KMT2B: variants seen among roughly 807,000 people sequenced by gnomAD.
KMT2B encodes lysine methyltransferase 2B, also known as histone-lysine N-methyltransferase 2B.
In KMT2B, 22 loss-of-function variants were observed where a neutral mutation model predicts 255.3. The observed-to-expected ratio is 0.09, with a 90% confidence interval of 0.06 to 0.12. KMT2B has a LOEUF of 0.12. KMT2B is among the 10% of genes least tolerant of loss of function. The pLI, the probability that KMT2B is intolerant of heterozygous loss-of-function variation, is 1.00. For missense variants in KMT2B, 3,149 were observed against 3,737.0 expected, an observed-to-expected ratio of 0.84 and a Z score of 4.10; for synonymous variants, 1,730 against 1,498.1, an observed-to-expected ratio of 1.15 and a Z score of -3.57.
rs758635755 is a variant in KMT2B, at chr19:35,732,234, C to T, written c.5685C>T (p.Thr1895=). Residue 1895 remains threonine (T), a synonymous_variant, in exon 28 of 37, where the codon ACC becomes ACT. Transcript: ENST00000420124. The part of the protein sequence containing the change: ...LPSPGSPSSL[T]HHIPTVGDPD... The stretch of plus-strand genomic sequence containing the variant: ...CCACAGGAAGTCCATCTTCACTGAC[C>T]CACCACATCCCCACAGTGGGAGACC... The T allele has an allele frequency of 1.7e-5, 27 of 1,600,736 alleles. No individual in the cohort carries two copies. The East Asian group carries it at 4.1e-4, about 24-fold the overall frequency.
chr19:35,723,874 G>A lies in KMT2B; in HGVS notation c.3201G>A (p.Gln1067=). 1 of 1,609,848 alleles carries A rather than the reference G, an allele frequency of 6.2e-7. No homozygotes were observed. The highest frequency in any genetic ancestry group is 1.1e-5 in the South Asian group (1 of 90,602). The change falls in exon 8 of 37, where the codon CAG becomes CAA. Residue 1067 remains glutamine (Q), a synonymous_variant. Coordinates refer to ENST00000420124, the MANE Select transcript of KMT2B (RefSeq NM_014727.3). This position sits in a 1 kb window ranked among gnomAD's most constrained non-coding sequence, Gnocchi z 7.5. The part of the protein sequence containing the change: ...EVVAHPGPEE[Q]DSLLQRKSAR... ...TGGCCCACCCAGGGCCCGAGGAGCA[G>A]GACTCCCTCCTGCAGCGCAAGTCAG...
rs746908334 is a variant in KMT2B at position 35,719,802 on chromosome 19, G to A, written c.455G>A (p.Arg152Gln). Residue 152 changes from arginine (R) to glutamine (Q), a missense_variant, in exon 3 of 37, where the codon CGG becomes CAG. This residue lies in a region of KMT2B where 1,188 missense variants were observed against 1,106.4 expected (regional missense o/e 1.07). Coordinates refer to ENST00000420124, the MANE Select transcript of KMT2B (RefSeq NM_014727.3). Reference sequence around the variant, plus strand: ...CTTTTAGGTCGAGCGCCCCGAGGTCGGGGTCGCAAGCATAAGACGACCCCC... The same window carrying A: ...CTTTTAGGTCGAGCGCCCCGAGGTCAGGGTCGCAAGCATAAGACGACCCCC... ...RSQRGRAPRGRGRKHKTTPLP... is the reference protein window; with the variant it reads ...RSQRGRAPRGQGRKHKTTPLP... 12 of 1,600,124 alleles carry A rather than the reference G, an allele frequency of 7.5e-6. No homozygotes were observed. Among genetic ancestry groups the A allele is most frequent in the East Asian group, 2.2e-5 (1 of 44,770 alleles).
intron 24 of KMT2B, 23 bp downstream of exon 24, chr19:35,730,485 T>A: frequency 6.2e-7 from 1 of 1,613,996 alleles, no homozygotes; most frequent in Non-Finnish European, 8.5e-7. Flanking sequence ...CTCTCCGCCC[T>A]GTCCTCCTAC....
At position 35,722,772 on chromosome 19, in the gene KMT2B, G is replaced by C. The variant is rs903617341; in HGVS notation, c.2722+54G>C. Reference sequence around the variant, plus strand: ...AGGTTTGGGGATGACCCCACACTTGGGTGACATGCACCAAGAGCCTAGGAG... The same window carrying C: ...AGGTTTGGGGATGACCCCACACTTGCGTGACATGCACCAAGAGCCTAGGAG... On this transcript the variant is annotated intron_variant, in intron 5 of 36. Transcript: ENST00000420124. 1.8e-5 allele frequency: 27 copies of C among 1,533,408 alleles called. No individual in the cohort carries two copies. In the East Asian group the frequency reaches 5.4e-4, roughly 31 times the overall value. The allele number at this position is 1,533,408 out of a possible 1,614,324, so 95.0% of individuals were successfully genotyped here.
Position 35,726,220 on chromosome 19 carries a change from C to G in KMT2B, c.3886-16C>G. 1 of 1,602,010 alleles carries G rather than the reference C, an allele frequency of 6.2e-7. No individual in the cohort carries two copies. The highest frequency in any genetic ancestry group is 8.5e-7 in the Non-Finnish European group (1 of 1,169,632). ...CCAGTGCCTGGTTTTCCCCTAACAT[C>G]GCCCTGCTCCCCCAGATCTGTTCAG... On this transcript the variant is annotated splice_polypyrimidine_tract_variant and intron_variant, in intron 13 of 36. Transcript: ENST00000420124.
At position 35,720,903 on chromosome 19, in the gene KMT2B, C is replaced by T. The variant is rs1969168099; in HGVS notation, c.1556C>T (p.Thr519Ile). The part of the protein sequence containing the change: ...DSPTVAPKST[T>I]FLKNIRQFIM... ...CCCACCGTGGCCCCCAAAAGCACCA[C>T]CTTCCTGAAGAATATCCGGCAGTTT... is the stretch of plus-strand genomic sequence containing the variant. The change falls in exon 3 of 37, where the codon ACC becomes ATC. Residue 519 changes from threonine to isoleucine, a missense_variant. Thr to Ile is a moderately conservative substitution (Grantham distance 89). Coordinates refer to ENST00000420124, the MANE Select transcript of KMT2B (RefSeq NM_014727.3). 2 of 1,607,132 alleles carry T rather than the reference C, an allele frequency of 1.2e-6. No individual in the cohort carries two copies. Among genetic ancestry groups the T allele is most frequent in the South Asian group, 1.1e-5 (1 of 89,456 alleles).
At chr19:35,722,047 C>T (rs1204048179) in intron 3 of KMT2B, among the ~76,000 whole-genome samples, 2 of 149,824 alleles carry the variant, frequency 1.3e-5, no homozygotes, top group East Asian at 2.0e-4. Flanking sequence ...TCACTTTGTC[C>T]AGGCTGGAGT....
chr19:35,719,705 A>T (rs1969103652), intron 2 of KMT2B, 79 bp from the exon 3 acceptor site: 1 of 1,531,180 alleles, frequency 6.5e-7, no homozygotes, highest in Admixed American at 2.0e-5. Context: ...AGCAAGACTT[A>T]GTCCCTGCCC....
chr19:35,721,219 C>A lies in KMT2B; in HGVS notation c.1872C>A (p.Ala624=). 6.8e-7 allele frequency: 1 copy of A among 1,472,410 alleles called. No homozygotes were observed. Among genetic ancestry groups the A allele is most frequent in the Non-Finnish European group, 9.2e-7 (1 of 1,090,032 alleles). 91.2% of individuals were successfully genotyped at this position (1,472,410 alleles called of 1,614,324 possible). Residue 624 remains alanine, a synonymous_variant, in exon 3 of 37, where the codon GCC becomes GCA. Coordinates refer to ENST00000420124, the MANE Select transcript of KMT2B (RefSeq NM_014727.3). Reference sequence around the variant, plus strand: ...GGGAGCTGCCCCCTCCTCCCCCAGCCCCTCCACCTCCCCCGGCCCCCTCCC... The same window carrying A: ...GGGAGCTGCCCCCTCCTCCCCCAGCACCTCCACCTCCCCCGGCCCCCTCCC... ...LTRELPPPPP[A]PPPPPAPSPP...
chr19:35,722,186 G>A (rs1969244550), intron 3 of KMT2B, 173 bp from the exon 4 acceptor site: 1 of 252,142 alleles, frequency 4.0e-6, no homozygotes, highest in African/African-American at 2.3e-5. Context: ...TGTATTTTTA[G>A]TAGAGACAGG....
chr19:35,720,759 G>T lies in KMT2B; in HGVS notation c.1412G>T (p.Arg471Leu). The T allele has an allele frequency of 1.4e-6, 2 of 1,474,120 alleles. No homozygotes were observed. Among genetic ancestry groups the T allele is most frequent in the Non-Finnish European group, 9.0e-7 (1 of 1,110,712 alleles). 91.3% of individuals were successfully genotyped at this position (1,474,120 alleles called of 1,614,324 possible). ...VPATCSRKRG[R>L]PPLTPSQRAE... Reference sequence around the variant, plus strand: ...GCTACGTGCTCCAGGAAGAGGGGCCGGCCTCCCCTGACTCCCAGCCAGCGG... The same window carrying T: ...GCTACGTGCTCCAGGAAGAGGGGCCTGCCTCCCCTGACTCCCAGCCAGCGG... Residue 471 changes from arginine (R) to leucine (L), a missense_variant, in exon 3 of 37, where the codon CGG becomes CTG. By Grantham distance (102) the Arg-to-Leu change is moderately radical. This residue lies in a region of KMT2B where 1,188 missense variants were observed against 1,106.4 expected (regional missense o/e 1.07). Transcript: ENST00000420124.
intron 26 of KMT2B, 100 bp from the exon 27 acceptor site, chr19:35,731,808 G>A (rs1445337313): frequency 1.1e-6 from 1 of 915,942 alleles, no homozygotes; most frequent in East Asian, 2.6e-5. Flanking sequence ...ACTGGGTCAG[G>A]GTCGGGGACC....
chr19:35,728,486 C>T (rs533221011), intron 19 of KMT2B, among the ~76,000 whole-genome samples: 7 of 23,614 alleles, frequency 3.0e-4, no homozygotes, highest in South Asian at 2.4e-3. Flanking sequence ...TACCAGGGGG[C>T]GGTGGGGGCC....
At chr19:35,728,211 A>G (rs775208956) in intron 19 of KMT2B, 40 bp downstream of exon 19, 142 of 1,543,050 alleles carry the variant, frequency 9.2e-5, no homozygotes, top group Middle Eastern at 6.2e-4. Context: ...CCGGGGAGTG[A>G]GGGCAAGGCC....
Position 35,730,565 on chromosome 19 carries a change from C to T in KMT2B, c.5225C>T (p.Thr1742Ile), listed in dbSNP as rs761678487. The T allele has an allele frequency of 5.0e-6, 8 of 1,614,024 alleles. No homozygotes were observed. The highest frequency in any genetic ancestry group is 1.1e-5 in the South Asian group (1 of 91,084). Residue 1742 changes from threonine (T) to isoleucine (I), a missense_variant, in exon 25 of 37, where the codon ACT (threonine) becomes ATT (isoleucine). Coordinates refer to ENST00000420124, the MANE Select transcript of KMT2B (RefSeq NM_014727.3). ...TCCATCCGCATTGACTCCCTGGGTACTCTGTCTGATCTCTCGGACTGCGAG... is the reference window on the plus strand; with the variant it reads ...TCCATCCGCATTGACTCCCTGGGTATTCTGTCTGATCTCTCGGACTGCGAG... The part of the protein sequence containing the change: ...IGSIRIDSLG[T>I]LSDLSDCEGR...
At position 35,725,122 on chromosome 19, in the gene KMT2B, T is replaced by G. The variant is rs745930718; in HGVS notation, c.3528+35T>G. The G allele has an allele frequency of 1.3e-6, 2 of 1,589,072 alleles. No individual in the cohort carries two copies. Among genetic ancestry groups the G allele is most frequent in the Admixed American group, 1.7e-5 (1 of 59,968 alleles). On this transcript the variant is annotated intron_variant, in intron 10 of 36. Coordinates refer to ENST00000420124, the MANE Select transcript of KMT2B (RefSeq NM_014727.3). The surrounding 1 kb of genome is among the most constrained non-coding windows in gnomAD (Gnocchi z 4.1). The stretch of plus-strand genomic sequence containing the variant: ...TGAGTGGGGCGAGTCACAGAGCCTC[T>G]GGTTGGAAGAACCTCGATGACTGTG...
At chr19:35,726,825 A>G (rs1969469892) in intron 14 of KMT2B, among the ~76,000 whole-genome samples, 1 of 152,048 alleles carries the variant, frequency 6.6e-6, no homozygotes. Context: ...CTGTACTACA[A>G]ATACAAAAAT....
Position 35,722,547 on chromosome 19 carries a change from ACACT to A in KMT2B, c.2572-19_2572-16del. On this transcript the variant is annotated splice_polypyrimidine_tract_variant and intron_variant, in intron 4 of 36. Coordinates refer to ENST00000420124, the MANE Select transcript of KMT2B (RefSeq NM_014727.3). ...CTGCGGGAGCGCAAGCTGCCCACAC[ACACT>A]CCGATTTCTCCCCCAGGGTCCCGAG... is the stretch of plus-strand genomic sequence containing the variant. 1 of 1,597,102 alleles carries A rather than the reference ACACT, an allele frequency of 6.3e-7. No individual in the cohort carries two copies. Among genetic ancestry groups the A allele is most frequent in the Non-Finnish European group, 8.5e-7 (1 of 1,173,954 alleles).
chr19:35,735,169 C>G (rs1350427864), intron 30 of KMT2B: 2 of 152,552 alleles, frequency 1.3e-5, no homozygotes, highest in East Asian at 3.9e-4. Context: ...GGCACTGAGG[C>G]CTGGAGAAGA....
Sources: allele counts gnomAD v4.1 joint callset (sites outside exome capture counted in the v4.1 genomes callset), GRCh38; gene constraint gnomAD v4.1.1; regional missense constraint gnomAD v4.1.1; non-coding constraint Gnocchi (gnomAD v3.1); transcripts MANE v1.5; gene names NCBI Gene and HGNC (gene_info 2026-07-23, HGNC 2026-07-21).